MVB12B: variants seen among roughly 807,000 people sequenced by gnomAD.
MVB12B encodes multivesicular body subunit 12B, also known as ESCRT-I complex subunit MVB12B.
In MVB12B, 16 loss-of-function variants were observed where a neutral mutation model predicts 41.6. The observed-to-expected ratio is 0.38, with a 90% CI of 0.26 to 0.58. MVB12B has a LOEUF of 0.58. MVB12B is among the 20% of genes least tolerant of loss of function. MVB12B has a pLI of 0.62. For synonymous variants in MVB12B, 133 were observed against 139.7 expected (o/e 0.95, Z 0.34); for missense variants, 274 against 380.2 (o/e 0.72, Z 2.32).
rs114473726 is a variant in MVB12B, at chr9:126,496,938, G to A, written c.874-6239G>A. Among the ~76,000 whole-genome samples the A allele has an allele frequency of 5.7e-3, 872 of 152,292 alleles. 7 individuals carry two copies. Among genetic ancestry groups the A allele is most frequent in the African/African-American group, 0.02 (816 of 41,564 alleles). ...TGTCCCTCAGAGACAGACTCTCAGC[G>A]TTGTCATCACCCAGTGGGAGACCCA... is the stretch of plus-strand genomic sequence containing the variant. On this transcript the variant is annotated intron_variant, in intron 9 of 9. Coordinates refer to ENST00000361171, the MANE Select transcript of MVB12B (RefSeq NM_033446.3).
At chr9:126,419,478 C>T (rs1032359676) in intron 6 of MVB12B, among the ~76,000 whole-genome samples, 1 of 152,178 alleles carries the variant, frequency 6.6e-6, no homozygotes, top group Non-Finnish European at 1.5e-5. Flanking sequence ...GTAGCTGCTC[C>T]CATACCTGCC....
intron 9 of MVB12B, among the ~76,000 whole-genome samples, chr9:126,494,886 T>G (rs1833799632): frequency 6.6e-6 from 1 of 150,830 alleles, no homozygotes; most frequent in Non-Finnish European, 1.5e-5. Flanking sequence ...CCAGGGTTGT[T>G]TGCAGACACC....
intron 6 of MVB12B, among the ~76,000 whole-genome samples, chr9:126,407,812 C>T (rs1240203553): frequency 6.6e-6 from 1 of 151,932 alleles, no homozygotes; most frequent in Non-Finnish European, 1.5e-5. Flanking sequence ...TTTTATTGTA[C>T]TTAAAAAAAA....
At chr9:126,408,869 A>G (rs762705415) in intron 6 of MVB12B, among the ~76,000 whole-genome samples, 2 of 152,220 alleles carry the variant, frequency 1.3e-5, no homozygotes, top group Non-Finnish European at 2.9e-5. Context: ...AAATGCTATC[A>G]TTGAGCCTTG....
Position 126,468,416 on chromosome 9 carries a change from C to T in MVB12B, c.758-12953C>T, listed in dbSNP as rs567593256. On this transcript the variant is annotated intron_variant, in intron 7 of 9. Transcript: ENST00000361171. This position sits in a 1 kb window ranked among gnomAD's most constrained non-coding sequence, Gnocchi z 4.3. ...CCAGACACATGCTCAGCGGGACCCA[C>T]GAGTTCATCTCTGCTGCTTTTCCGC... Among the ~76,000 whole-genome samples, 36 of 152,312 alleles carry T rather than the reference C, an allele frequency of 2.4e-4. No homozygotes were observed. Among genetic ancestry groups the T allele is most frequent in the African/African-American group, 7.7e-4 (32 of 41,562 alleles).
Position 126,459,376 on chromosome 9 carries a change from C to G in MVB12B, c.758-21993C>G, listed in dbSNP as rs1280362399. On this transcript the variant is annotated intron_variant, in intron 7 of 9. Coordinates refer to ENST00000361171, the MANE Select transcript of MVB12B (RefSeq NM_033446.3). This position sits in a 1 kb window ranked among gnomAD's most constrained non-coding sequence, Gnocchi z 4.3. ...GGACAGTCTAGCATGGTGCTTGGCA[C>G]AAAGTCCAAAGCCGTCTCCAAGACG... Among the ~76,000 whole-genome samples, 1 of 152,208 alleles carries G rather than the reference C, an allele frequency of 6.6e-6. No individual in the cohort carries two copies. Among genetic ancestry groups the G allele is most frequent in the Admixed American group, 6.5e-5 (1 of 15,286 alleles).
intron 7 of MVB12B, among the ~76,000 whole-genome samples, chr9:126,465,710 C>G (rs1309210323): frequency 6.6e-6 from 1 of 152,008 alleles, no homozygotes; most frequent in Admixed American, 6.5e-5. Flanking sequence ...CTGGGTCCTT[C>G]CAGCAGTGTG....
Position 126,340,612 on chromosome 9 carries a change from C to T in MVB12B, c.186C>T (p.Ala62=). 6.2e-7 allele frequency: 1 copy of T among 1,614,144 alleles called. No homozygotes were observed. Among genetic ancestry groups the T allele is most frequent in the Non-Finnish European group, 8.5e-7 (1 of 1,180,004 alleles). The change falls in exon 2 of 10, where the codon GCC becomes GCT. Residue 62 remains alanine (A), a synonymous_variant. Coordinates refer to ENST00000361171, the MANE Select transcript of MVB12B (RefSeq NM_033446.3). This position sits in a 1 kb window ranked among gnomAD's most constrained non-coding sequence, Gnocchi z 4.0. Reference sequence around the variant, plus strand: ...GGGTGGTGGCTTCTCGGAACCGAGCCCCGACAGGCTATGACGTAGTAAGTC... The same window carrying T: ...GGGTGGTGGCTTCTCGGAACCGAGCTCCGACAGGCTATGACGTAGTAAGTC... ...GVGVVASRNR[A]PTGYDVVAQT...
intron 1 of MVB12B, chr9:126,335,364 G>T (rs1181670309): frequency 7.7e-7 from 1 of 1,304,308 alleles, no homozygotes; most frequent in East Asian, 5.6e-5. Flanking sequence ...CATTTAACTG[G>T]GCACAGCATG....
At chr9:126,420,689 T>C (rs1024565301) in intron 6 of MVB12B, among the ~76,000 whole-genome samples, 4 of 147,116 alleles carry the variant, frequency 2.7e-5, no homozygotes, top group Non-Finnish European at 6.0e-5. Flanking sequence ...GTTCAAGCAA[T>C]TCTCCCGCCT....
chr9:126,483,769 A>AT (rs1833575385), intron 8 of MVB12B, among the ~76,000 whole-genome samples: 1 of 152,186 alleles, frequency 6.6e-6, no homozygotes, highest in African/African-American at 2.4e-5. Flanking sequence ...TGAGGGCCAC[A>AT]TTCCTGCAGC....
intron 2 of MVB12B, among the ~76,000 whole-genome samples, chr9:126,346,597 C>T (rs1426888230): frequency 2.0e-5 from 3 of 152,038 alleles, no homozygotes; most frequent in African/African-American, 4.8e-5. Flanking sequence ...GTCTGAGCAC[C>T]ATCCTCATAT....
chr9:126,331,946 T>C (rs1387410459), intron 1 of MVB12B, among the ~76,000 whole-genome samples: 2 of 152,274 alleles, frequency 1.3e-5, no homozygotes, highest in Non-Finnish European at 2.9e-5. Context: ...TGCCCCTTCC[T>C]GTAGCTCAAC....
At chr9:126,345,278 T>C (rs1267843456) in intron 2 of MVB12B, among the ~76,000 whole-genome samples, 8 of 152,316 alleles carry the variant, frequency 5.3e-5, no homozygotes, top group Admixed American at 4.6e-4. Context: ...TGCATCCTGG[T>C]CTTAGACTAG....
intron 2 of MVB12B, among the ~76,000 whole-genome samples, chr9:126,377,271 A>AGTGTGT (rs1055982252): frequency 2.6e-5 from 4 of 152,198 alleles, no homozygotes; most frequent in African/African-American, 9.6e-5. Context: ...TGTGAGTGTG[A>AGTGTGT]GTGTGCAAGA....
At position 126,418,944 on chromosome 9, in the gene MVB12B, C is replaced by T. The variant is rs567351230; in HGVS notation, c.663-2910C>T. ...GTTCAGGTAACTTTATGGATATTTTCGTGTCCCCCTGCCTGTCCTGCCACC... is the reference window on the plus strand; with the variant it reads ...GTTCAGGTAACTTTATGGATATTTTTGTGTCCCCCTGCCTGTCCTGCCACC... On this transcript the variant is annotated intron_variant, in intron 6 of 9. Coordinates refer to ENST00000361171, the MANE Select transcript of MVB12B (RefSeq NM_033446.3). 3.9e-5 allele frequency among the ~76,000 whole-genome samples: 6 copies of T among 152,280 alleles called. No individual in the cohort carries two copies. The South Asian group carries it at 1.0e-3, about 26-fold the overall frequency.
intron 4 of MVB12B, among the ~76,000 whole-genome samples, chr9:126,388,256 A>G (rs1283493739): frequency 1.3e-5 from 2 of 152,140 alleles, no homozygotes; most frequent in African/African-American, 2.4e-5. Context: ...AGATTTGCCT[A>G]TTCTGGACAT....
chr9:126,424,327 G>A (rs1009946143), intron 7 of MVB12B, among the ~76,000 whole-genome samples: 11 of 152,274 alleles, frequency 7.2e-5, no homozygotes, highest in East Asian at 3.9e-4. Context: ...AGGGTGAGAC[G>A]TGGCACAGAG....
chr9:126,473,279 A>G lies in MVB12B; in HGVS notation c.758-8090A>G, dbSNP rs541164666. ...AAAAACTCAGGTCTGCCAAGCTCCC[A>G]GCCCCTCCTTCCCTGCCATAGCCCC... is the stretch of plus-strand genomic sequence containing the variant. On this transcript the variant is annotated intron_variant, in intron 7 of 9. Coordinates refer to ENST00000361171, the MANE Select transcript of MVB12B (RefSeq NM_033446.3). The surrounding 1 kb of genome is among the most constrained non-coding windows in gnomAD (Gnocchi z 4.0). 6.6e-6 allele frequency among the ~76,000 whole-genome samples: 1 copy of G among 152,304 alleles called. No individual in the cohort carries two copies. The highest frequency in any genetic ancestry group is 2.1e-4 in the South Asian group (1 of 4,828).
Sources: allele counts gnomAD v4.1 joint callset (sites outside exome capture counted in the v4.1 genomes callset), GRCh38; gene constraint gnomAD v4.1.1; non-coding constraint Gnocchi (gnomAD v3.1); transcripts MANE v1.5; gene names NCBI Gene and HGNC (gene_info 2026-07-23, HGNC 2026-07-21).